SYT9: variants seen among roughly 807,000 people sequenced by gnomAD.
SYT9 encodes synaptotagmin-9.
A neutral mutation model predicts 48.4 loss-of-function variants in SYT9; 22 were observed. The ratio of observed to expected loss-of-function variants is 0.45; its 90% confidence interval spans 0.32 to 0.65. The LOEUF (loss-of-function observed/expected upper bound fraction) is 0.65. SYT9 is among the 30% of genes least tolerant of loss of function. The pLI, the probability that SYT9 is intolerant of heterozygous loss-of-function variation, is 0.03. For missense variants in SYT9, 577 were observed against 622.0 expected (o/e 0.93, Z 0.77); for synonymous variants, 265 against 245.0 (o/e 1.08, Z -0.76).
At chr11:7,324,523 A>G (rs1849393414) in intron 3 of SYT9, among the ~76,000 whole-genome samples, 1 of 151,882 alleles carries the variant, frequency 6.6e-6, no homozygotes, top group Admixed American at 6.6e-5. Context: ...TAAAATATGC[A>G]TTTAAGACTA....
chr11:7,366,589 C>T (rs1229318181), intron 3 of SYT9, among the ~76,000 whole-genome samples: 1 of 152,148 alleles, frequency 6.6e-6, no homozygotes, highest in African/African-American at 2.4e-5. Context: ...CATAATCCTC[C>T]TGGTTATTAT....
At chr11:7,297,795 C>A (rs1165396597) in intron 1 of SYT9, among the ~76,000 whole-genome samples, 4 of 152,128 alleles carry the variant, frequency 2.6e-5, no homozygotes, top group African/African-American at 7.2e-5. Context: ...TTATTGATAT[C>A]ATGTTTGGGT....
chr11:7,243,216 GC>G (rs1369658429), intron 1 of SYT9, among the ~76,000 whole-genome samples: 4 of 152,156 alleles, frequency 2.6e-5, no homozygotes, highest in Non-Finnish European at 4.4e-5. Flanking sequence ...AATGATATAA[GC>G]AGAGAAGGAA....
At chr11:7,351,240 A>G (rs1330016249) in intron 3 of SYT9, among the ~76,000 whole-genome samples, 1 of 152,174 alleles carries the variant, frequency 6.6e-6, no homozygotes, top group Admixed American at 6.5e-5. Context: ...TCTTTATATA[A>G]GAAGAGTATT....
chr11:7,329,854 G>A (rs1320150849), intron 3 of SYT9, among the ~76,000 whole-genome samples: 1 of 152,054 alleles, frequency 6.6e-6, no homozygotes, highest in Non-Finnish European at 1.5e-5. Context: ...AGTCACACTG[G>A]GTCCACAAAA....
At chr11:7,379,801 C>T (rs930551319) in intron 3 of SYT9, among the ~76,000 whole-genome samples, 5 of 152,026 alleles carry the variant, frequency 3.3e-5, no homozygotes, top group Admixed American at 1.3e-4. Flanking sequence ...CAAATGCTGG[C>T]AAGGATGTGG....
upstream of SYT9, among the ~76,000 whole-genome samples, chr11:7,250,591 C>T (rs1847851404): frequency 6.6e-6 from 1 of 152,140 alleles, no homozygotes; most frequent in Non-Finnish European, 1.5e-5. Context: ...GGTTTCTCCT[C>T]CCTCTGTTTG....
At chr11:7,433,329 A>T (rs971008601) in intron 6 of SYT9, among the ~76,000 whole-genome samples, 1 of 152,242 alleles carries the variant, frequency 6.6e-6, no homozygotes, top group Non-Finnish European at 1.5e-5. Flanking sequence ...CCAATGCAAG[A>T]ATGGACTAAT....
chr11:7,457,441 T>C (rs1483569177), intron 6 of SYT9: 2 of 152,228 alleles, frequency 1.3e-5, no homozygotes, highest in East Asian at 1.9e-4. Context: ...GTGTTATTCA[T>C]CATTGTATAA....
intron 6 of SYT9, among the ~76,000 whole-genome samples, chr11:7,465,359 C>G (rs1448461808): frequency 3.9e-5 from 6 of 152,180 alleles, no homozygotes; most frequent in African/African-American, 1.4e-4. Context: ...CACATGTGAA[C>G]TTTTGATCTC....
At chr11:7,462,167 A>G (rs981733715) in intron 6 of SYT9, among the ~76,000 whole-genome samples, 2 of 152,238 alleles carry the variant, frequency 1.3e-5, no homozygotes, top group Admixed American at 1.3e-4. Flanking sequence ...TTTAATCCAT[A>G]AAAGCATGGT....
intron 3 of SYT9, among the ~76,000 whole-genome samples, chr11:7,396,051 T>G (rs1846745186): frequency 2.0e-5 from 3 of 152,158 alleles, no homozygotes; most frequent in Admixed American, 2.0e-4. Context: ...CCCTTAGTGA[T>G]TGCTTGTCCT....
chr11:7,305,415 T>G (rs1013259300), intron 2 of SYT9, among the ~76,000 whole-genome samples: 1 of 152,208 alleles, frequency 6.6e-6, no homozygotes, highest in African/African-American at 2.4e-5. Flanking sequence ...TCTGGAAATA[T>G]ATATCCTTGT....
At chr11:7,350,718 G>A (rs1025252000) in intron 3 of SYT9, among the ~76,000 whole-genome samples, 1 of 152,086 alleles carries the variant, frequency 6.6e-6, no homozygotes, top group Non-Finnish European at 1.5e-5. Flanking sequence ...TTGGTGACTG[G>A]CATTGCTATT....
At chr11:7,355,761 G>A (rs1850010031) in intron 3 of SYT9, among the ~76,000 whole-genome samples, 1 of 152,224 alleles carries the variant, frequency 6.6e-6, no homozygotes, top group Non-Finnish European at 1.5e-5. Flanking sequence ...GTCTTATCAA[G>A]GTTAAGTGGA....
At chr11:7,260,119 C>A (rs1360210612) in intron 1 of SYT9, among the ~76,000 whole-genome samples, 1 of 152,002 alleles carries the variant, frequency 6.6e-6, no homozygotes, top group African/African-American at 2.4e-5. Context: ...TATTGAGGGC[C>A]CCTTAAGTGC....
intron 3 of SYT9, among the ~76,000 whole-genome samples, chr11:7,334,787 T>G (rs1323653078): frequency 5.9e-5 from 9 of 152,222 alleles, no homozygotes; most frequent in African/African-American, 2.2e-4. Context: ...ATTTTTGAGA[T>G]TAATTCATGT....
chr11:7,253,515 T>A (rs1246868104), intron 1 of SYT9, among the ~76,000 whole-genome samples: 3 of 152,162 alleles, frequency 2.0e-5, no homozygotes, highest in Non-Finnish European at 4.4e-5. Context: ...TTCAAGATGG[T>A]CGTGTGGGGT....
chr11:7,276,196 C>T (rs1438139439), intron 1 of SYT9, among the ~76,000 whole-genome samples: 1 of 152,146 alleles, frequency 6.6e-6, no homozygotes, highest in Non-Finnish European at 1.5e-5. Flanking sequence ...CACATCCTCA[C>T]TTTCCCATAT....
Sources: allele counts gnomAD v4.1 joint callset (sites outside exome capture counted in the v4.1 genomes callset), GRCh38; gene constraint gnomAD v4.1.1; transcripts MANE v1.5; gene names NCBI Gene and HGNC (gene_info 2026-07-23, HGNC 2026-07-21).